The following PRKN variants were observed in gnomAD, a reference collection of about 807,000 sequenced individuals.
PRKN encodes E3 ubiquitin-protein ligase parkin.
Under a neutral mutation model 59.5 loss-of-function variants are expected in PRKN, and 56 were observed. That is an observed-to-expected ratio of 0.94 (90% confidence interval 0.76 to 1.18). The LOEUF (loss-of-function observed/expected upper bound fraction) is 1.18, where lower values mean the gene tolerates loss of function less well. Among genes scored for constraint, PRKN ranks in the 50% most tolerant of loss-of-function variants. The pLI is 0.00. For missense variants in PRKN, 657 were observed against 596.4 expected, an observed-to-expected ratio of 1.10 and a Z score of -1.06; for synonymous variants, 250 against 222.1, an observed-to-expected ratio of 1.13 and a Z score of -1.12.
intron 1 of PRKN, among the ~76,000 whole-genome samples, chr6:162,564,156 C>A (rs1275913809): frequency 6.6e-6 from 1 of 151,888 alleles, no homozygotes; most frequent in Admixed American, 6.6e-5. Context: ...ACCATCCTGG[C>A]CAACATGGTG....
chr6:161,752,002 G>A (rs1179152515), intron 7 of PRKN, among the ~76,000 whole-genome samples: 1 of 152,242 alleles, frequency 6.6e-6, no homozygotes, highest in Non-Finnish European at 1.5e-5. Flanking sequence ...GGGCAGGCAA[G>A]GGAAGGAGAG....
chr6:161,605,712 G>A (rs762910038), intron 7 of PRKN, among the ~76,000 whole-genome samples: 3 of 152,022 alleles, frequency 2.0e-5, no homozygotes, highest in Non-Finnish European at 2.9e-5. Context: ...GTTTCCCCAC[G>A]TTGGCCAGGC....
At chr6:162,633,803 A>G (rs1777608110) in intron 1 of PRKN, among the ~76,000 whole-genome samples, 3 of 152,100 alleles carry the variant, frequency 2.0e-5, no homozygotes, top group Admixed American at 2.0e-4. Context: ...CGAGGGAGGG[A>G]GGAACGTGTG....
At chr6:161,793,539 G>C (rs2128208609) in intron 6 of PRKN, among the ~76,000 whole-genome samples, 1 of 151,540 alleles carries the variant, frequency 6.6e-6, no homozygotes, top group South Asian at 2.1e-4. Flanking sequence ...CTAGATGCCA[G>C]GCAGTGTCAT....
Position 161,526,825 on chromosome 6 carries a change from G to A in PRKN, c.1083+22029C>T, listed in dbSNP as rs1054024290. ...ACATACAAATTTATTACATACATAT[G>A]CATGAGAGTCCCTCAAAATATAAGG... On this transcript the variant is annotated intron_variant, in intron 9 of 11. Coordinates refer to ENST00000366898, the MANE Select transcript of PRKN (RefSeq NM_004562.3). This position sits in a 1 kb window ranked among gnomAD's most constrained non-coding sequence, Gnocchi z 4.1. Among the ~76,000 whole-genome samples, 2 of 152,128 alleles carry A rather than the reference G, an allele frequency of 1.3e-5. No individual in the cohort carries two copies. The highest frequency in any genetic ancestry group is 6.5e-5 in the Admixed American group (1 of 15,276).
intron 2 of PRKN, among the ~76,000 whole-genome samples, chr6:162,301,846 A>G (rs1037311562): frequency 1.4e-5 from 2 of 147,428 alleles, no homozygotes; most frequent in African/African-American, 4.9e-5. Context: ...CTTCGATTAT[A>G]TCTCCAATAT....
chr6:161,626,243 G>A (rs1416435522), intron 7 of PRKN, among the ~76,000 whole-genome samples: 6 of 152,178 alleles, frequency 3.9e-5, no homozygotes, highest in Middle Eastern at 6.8e-3. Context: ...CTGGCTGTGC[G>A]GCTGTTAGGA....
rs985680691 is a variant in PRKN, at chr6:161,425,876, AT to A, written c.1084-39000del. On this transcript the variant is annotated intron_variant, in intron 9 of 11. Coordinates refer to ENST00000366898, the MANE Select transcript of PRKN (RefSeq NM_004562.3). ...GCCCCTGTTCCTTGGAAGACATGGTATTTTTTTAATAGCTCATGTTGGGCCC... is the reference window on the plus strand; with the variant it reads ...GCCCCTGTTCCTTGGAAGACATGGTATTTTTTAATAGCTCATGTTGGGCCC... Among the ~76,000 whole-genome samples the A allele has an allele frequency of 2.6e-5, 4 of 152,188 alleles. No individual in the cohort carries two copies. The East Asian group carries it at 7.7e-4, about 29-fold the overall frequency.
chr6:162,410,062 A>C (rs2128154095), intron 2 of PRKN, among the ~76,000 whole-genome samples: 1 of 152,360 alleles, frequency 6.6e-6, no homozygotes, highest in East Asian at 1.9e-4. Flanking sequence ...ATAATAGATC[A>C]GCTGCACAAT....
intron 6 of PRKN, among the ~76,000 whole-genome samples, chr6:161,952,747 A>T (rs2128246315): frequency 6.6e-6 from 1 of 152,334 alleles, no homozygotes; most frequent in South Asian, 2.1e-4. Flanking sequence ...TTTATGTGTG[A>T]TCTCAGCTTA....
chr6:161,684,335 G>T (rs938063184), intron 7 of PRKN, among the ~76,000 whole-genome samples: 1 of 151,904 alleles, frequency 6.6e-6, no homozygotes, highest in African/African-American at 2.4e-5. Flanking sequence ...TCCCACCTTG[G>T]CCTCTCAAAG....
At chr6:162,115,515 A>AAATAAATAAATAAATAAAT (rs1780632608) in intron 4 of PRKN, among the ~76,000 whole-genome samples, 1 of 151,184 alleles carries the variant, frequency 6.6e-6, no homozygotes, top group Non-Finnish European at 1.5e-5. Context: ...TAAATACATT[A>AAATAAATAAATAAATAAAT]AAATAAATAA....
chr6:161,913,926 C>G (rs548086050), intron 6 of PRKN, among the ~76,000 whole-genome samples: 1 of 152,342 alleles, frequency 6.6e-6, no homozygotes, highest in South Asian at 2.1e-4. Context: ...AAGAAGGCAG[C>G]TGTCAATAAA....
intron 5 of PRKN, among the ~76,000 whole-genome samples, chr6:161,977,507 G>C (rs1781075811): frequency 1.3e-5 from 2 of 149,242 alleles, no homozygotes; most frequent in Admixed American, 6.7e-5. Flanking sequence ...TTGATCTGGA[G>C]AGAAACATTA....
At chr6:161,505,401 G>T in intron 9 of PRKN, among the ~76,000 whole-genome samples, 1 of 150,998 alleles carries the variant, frequency 6.6e-6, no homozygotes, top group Non-Finnish European at 1.5e-5. Flanking sequence ...ATTTGTTTGA[G>T]TTCATTGTAG....
chr6:162,491,356 C>G (rs7758475), intron 1 of PRKN, among the ~76,000 whole-genome samples: 62,419 of 151,802 alleles, frequency 0.41, 13,624 homozygotes, highest in African/African-American at 0.56. Context: ...AGCATAAGAA[C>G]CATTTTGAAA....
intron 6 of PRKN, among the ~76,000 whole-genome samples, chr6:161,800,051 A>G (rs1175939301): frequency 6.6e-6 from 1 of 152,214 alleles, no homozygotes; most frequent in Non-Finnish European, 1.5e-5. Flanking sequence ...GACAATGGCA[A>G]GTCAGGACAA....
At chr6:162,467,325 T>C (rs1791470712) in intron 1 of PRKN, among the ~76,000 whole-genome samples, 2 of 152,150 alleles carry the variant, frequency 1.3e-5, no homozygotes, top group Non-Finnish European at 2.9e-5. Flanking sequence ...ATGTGTAGTA[T>C]ACCACATGGA....
chr6:161,759,957 T>C (rs1789120845), intron 7 of PRKN, among the ~76,000 whole-genome samples: 1 of 152,018 alleles, frequency 6.6e-6, no homozygotes, highest in African/African-American at 2.4e-5. Flanking sequence ...ATACTTTCAG[T>C]GAACGAGGCA....
Sources: allele counts gnomAD v4.1 joint callset (sites outside exome capture counted in the v4.1 genomes callset), GRCh38; gene constraint gnomAD v4.1.1; non-coding constraint Gnocchi (gnomAD v3.1); transcripts MANE v1.5; gene names NCBI Gene and HGNC (gene_info 2026-07-23, HGNC 2026-07-21).